Variants in TENM2 observed in about 807,000 individuals in gnomAD.
TENM2 encodes teneurin-2.
TENM2 carries 52 observed loss-of-function variants against 245.2 expected under a neutral mutation model. The ratio of observed to expected loss-of-function variants is 0.21; its 90% confidence interval spans 0.17 to 0.27. The LOEUF (loss-of-function observed/expected upper bound fraction) is 0.27. Ranked by LOEUF, TENM2 falls within the 10% of genes least tolerant of loss-of-function variation. TENM2 has a pLI of 1.00. For missense variants in TENM2, 3,046 were observed against 3,666.8 expected, an observed-to-expected ratio of 0.83 and a Z score of 4.37; for synonymous variants, 1,363 against 1,438.9, an observed-to-expected ratio of 0.95 and a Z score of 1.19.
chr5:167,509,692 G>A (rs139413507), intron 2 of TENM2, among the ~76,000 whole-genome samples: 104 of 152,256 alleles, frequency 6.8e-4, no homozygotes, highest in East Asian at 6.0e-3. Flanking sequence ...CATTGACTGA[G>A]CACTTACCAT....
chr5:167,658,210 C>CT (rs147052272), intron 2 of TENM2, among the ~76,000 whole-genome samples: 6,191 of 139,578 alleles, frequency 0.044, 417 homozygotes, highest in African/African-American at 0.15. Context: ...TGTGCGAAGC[C>CT]TTTTTTTTTT....
At chr5:168,108,514 G>A (rs969514020) in intron 9 of TENM2, among the ~76,000 whole-genome samples, 14 of 152,304 alleles carry the variant, frequency 9.2e-5, no homozygotes, top group South Asian at 2.1e-4. Context: ...TGCTTGGCAC[G>A]TATTAAATGT....
chr5:167,878,256 T>A (rs1773590258), intron 3 of TENM2, among the ~76,000 whole-genome samples: 1 of 152,122 alleles, frequency 6.6e-6, no homozygotes, highest in Non-Finnish European at 1.5e-5. Flanking sequence ...GTGTTCAGAG[T>A]CAAACTTGTC....
At chr5:167,236,972 A>G in the TENM2 span, among the ~76,000 whole-genome samples, 2 of 151,762 alleles carry the variant, frequency 1.3e-5, no homozygotes, top group Non-Finnish European at 2.9e-5. Flanking sequence ...ATGTTATCCA[A>G]GGTAAATGTC....
the TENM2 span, among the ~76,000 whole-genome samples, chr5:167,127,898 A>G: frequency 6.6e-6 from 1 of 152,170 alleles, no homozygotes; most frequent in Non-Finnish European, 1.5e-5. Context: ...CACCTGGCAG[A>G]GTGCCCTGAA....
At chr5:167,309,153 C>G (rs1009534998) in intron 1 of TENM2, among the ~76,000 whole-genome samples, 9 of 152,054 alleles carry the variant, frequency 5.9e-5, no homozygotes, top group Admixed American at 6.6e-5. Context: ...TAGGAAGTCT[C>G]CTATTTTGTA....
intron 2 of TENM2, among the ~76,000 whole-genome samples, chr5:167,702,907 C>T (rs886077039): frequency 1.0e-3 from 158 of 152,252 alleles, no homozygotes; most frequent in Non-Finnish European, 2.0e-3. Context: ...CCATGATTCG[C>T]CCGCCTCAAC....
At chr5:167,621,751 G>A (rs183807324) in intron 2 of TENM2, among the ~76,000 whole-genome samples, 21 of 152,162 alleles carry the variant, frequency 1.4e-4, no homozygotes, top group Non-Finnish European at 2.5e-4. Context: ...ACTGAGCTGG[G>A]TTGTGTCAAA....
At chr5:167,590,237 T>C (rs904020479) in intron 2 of TENM2, among the ~76,000 whole-genome samples, 1 of 152,088 alleles carries the variant, frequency 6.6e-6, no homozygotes, top group Non-Finnish European at 1.5e-5. Context: ...TGTTTTCATA[T>C]GAAGATATTT....
At chr5:167,428,292 G>A (rs184282978) in intron 2 of TENM2, among the ~76,000 whole-genome samples, 1 of 152,280 alleles carries the variant, frequency 6.6e-6, no homozygotes, top group Admixed American at 6.5e-5. Flanking sequence ...AAGTTTAAGT[G>A]CCTCAGTAAC....
intron 2 of TENM2, among the ~76,000 whole-genome samples, chr5:167,619,350 G>C (rs796149239): frequency 6.6e-6 from 1 of 152,030 alleles, no homozygotes; most frequent in African/African-American, 2.4e-5. Flanking sequence ...AGTGCACCAG[G>C]TTCCAGTCTT....
intron 2 of TENM2, among the ~76,000 whole-genome samples, chr5:167,677,058 C>T (rs770526108): frequency 7.2e-5 from 11 of 152,100 alleles, no homozygotes; most frequent in Non-Finnish European, 1.3e-4. Context: ...GCAGACTATT[C>T]CATCTGCCTT....
the TENM2 span, among the ~76,000 whole-genome samples, chr5:167,018,078 ATT>A: frequency 1.4e-4 from 22 of 152,312 alleles, no homozygotes; most frequent in African/African-American, 5.1e-4. Flanking sequence ...TTCATAATGT[ATT>A]CTTTCCTTAA....
At chr5:168,231,924 T>TGTCA (rs1764959413) in intron 25 of TENM2, among the ~76,000 whole-genome samples, 1 of 152,120 alleles carries the variant, frequency 6.6e-6, no homozygotes, top group Non-Finnish European at 1.5e-5. Context: ...AGGGAGACCC[T>TGTCA]GTCATGGTGG....
chr5:167,685,534 T>G (rs1478370677), intron 2 of TENM2, among the ~76,000 whole-genome samples: 1 of 152,166 alleles, frequency 6.6e-6, no homozygotes, highest in African/African-American at 2.4e-5. Flanking sequence ...AATATCTCAG[T>G]GGTTGATACT....
chr5:167,438,127 A>G (rs1238110189), intron 2 of TENM2, among the ~76,000 whole-genome samples: 1 of 152,176 alleles, frequency 6.6e-6, no homozygotes, highest in African/African-American at 2.4e-5. Context: ...ATCCAGGTTA[A>G]TTTGTAATCT....
intron 2 of TENM2, among the ~76,000 whole-genome samples, chr5:167,434,251 C>A (rs1329790813): frequency 2.0e-5 from 3 of 151,640 alleles, no homozygotes; most frequent in African/African-American, 7.3e-5. Flanking sequence ...GAAACTCCAT[C>A]TCTACTAAAA....
intron 27 of TENM2, among the ~76,000 whole-genome samples, chr5:168,252,375 A>G (rs1339269700): frequency 3.3e-5 from 5 of 151,578 alleles, no homozygotes; most frequent in Non-Finnish European, 7.4e-5. Flanking sequence ...CAAAAAAAAA[A>G]AAAAAAAGAC....
At chr5:167,472,307 CA>C (rs1254353668) in intron 2 of TENM2, among the ~76,000 whole-genome samples, 2 of 152,112 alleles carry the variant, frequency 1.3e-5, no homozygotes, top group Non-Finnish European at 2.9e-5. Context: ...CTTTTATACC[CA>C]TTATTGGAAA....
Sources: allele counts gnomAD v4.1 joint callset (sites outside exome capture counted in the v4.1 genomes callset), GRCh38; gene constraint gnomAD v4.1.1; transcripts MANE v1.5; gene names NCBI Gene and HGNC (gene_info 2026-07-23, HGNC 2026-07-21).